The following SANBR variants were observed in gnomAD, a reference collection of about 807,000 sequenced individuals.
SANBR encodes SANT and BTB domain regulator of class switch recombination.
Under a neutral mutation model 101.8 loss-of-function variants are expected in SANBR, and 77 were observed. That is an observed-to-expected ratio of 0.76 (90% CI 0.63 to 0.91). SANBR has a LOEUF of 0.91. SANBR is among the 40% of genes least tolerant of loss of function. The pLI is 0.00. For missense variants in SANBR, 875 were observed against 853.0 expected, an observed-to-expected ratio of 1.03 and a Z score of -0.32; for synonymous variants, 279 against 274.7, an observed-to-expected ratio of 1.02 and a Z score of -0.15.
intron 21 of SANBR, among the ~76,000 whole-genome samples, chr2:61,136,919 G>A (rs1684868330): frequency 2.0e-5 from 3 of 151,758 alleles, no homozygotes; most frequent in Admixed American, 1.3e-4. Context: ...GCAGTGAGCC[G>A]AGATCACGCC....
intron 5 of SANBR, among the ~76,000 whole-genome samples, chr2:61,073,985 G>C (rs900956046): frequency 6.6e-6 from 1 of 151,676 alleles, no homozygotes. Context: ...GTTTTGTATA[G>C]TTTTGTATTG....
At chr2:61,111,699 T>C (rs1362021321) in intron 16 of SANBR, among the ~76,000 whole-genome samples, 4 of 152,232 alleles carry the variant, frequency 2.6e-5, no homozygotes. Flanking sequence ...TTCGTCCCCC[T>C]TTGTACTCAG....
intron 11 of SANBR, among the ~76,000 whole-genome samples, chr2:61,095,777 C>T (rs1384572611): frequency 1.3e-5 from 2 of 152,062 alleles, no homozygotes; most frequent in African/African-American, 2.4e-5. Context: ...CAGAGTCCCC[C>T]GCAAAAAGAA....
chr2:61,125,447 T>G (rs992037724), downstream of SANBR, among the ~76,000 whole-genome samples: 1 of 152,222 alleles, frequency 6.6e-6, no homozygotes, highest in South Asian at 2.1e-4. Flanking sequence ...ATGTCTTATT[T>G]AGGCAAAGTA....
intron 10 of SANBR, 35 bp downstream of exon 10, chr2:61,088,503 GTA>G (rs371063167): frequency 0.016 from 16,907 of 1,058,804 alleles, no homozygotes; most frequent in Middle Eastern, 0.023. Flanking sequence ...ATGTATTTTT[GTA>G]TATATATATA....
chr2:61,098,004 A>G (rs1683109919), intron 12 of SANBR, 152 bp downstream of exon 12: 1 of 494,174 alleles, frequency 2.0e-6, no homozygotes, highest in Non-Finnish European at 3.4e-6. Context: ...CTTAGAGATA[A>G]TCACTGTTAA....
At chr2:61,096,346 A>G (rs1683029824) in intron 11 of SANBR, among the ~76,000 whole-genome samples, 1 of 152,132 alleles carries the variant, frequency 6.6e-6, no homozygotes, top group African/African-American at 2.4e-5. Context: ...CAACCTTCAG[A>G]GCCCCATAGT....
chr2:61,070,220 T>C, intron 2 of SANBR, 122 bp from the exon 3 acceptor site: 1 of 651,136 alleles, frequency 1.5e-6, no homozygotes, highest in Non-Finnish European at 2.4e-6. Flanking sequence ...TTTAGGTCAG[T>C]TTTACTTTTC....
At position 61,104,017 on chromosome 2, in the gene SANBR, C is replaced by T; in HGVS notation, c.1511+19C>T. 6.2e-7 allele frequency: 1 copy of T among 1,611,048 alleles called. No individual in the cohort carries two copies. Among genetic ancestry groups the T allele is most frequent in the Non-Finnish European group, 8.5e-7 (1 of 1,177,606 alleles). On this transcript the variant is annotated intron_variant, in intron 13 of 21. Transcript: ENST00000402291. ...CAGTTAGGTGAGGGGTGGAAAAACCCAACACTGTATTATAGCTTTATTCAG... is the reference window on the plus strand; with the variant it reads ...CAGTTAGGTGAGGGGTGGAAAAACCTAACACTGTATTATAGCTTTATTCAG...
At chr2:61,129,009 G>GA (rs1002877357), downstream of SANBR, among the ~76,000 whole-genome samples, 9 of 152,234 alleles carry the variant, frequency 5.9e-5, no homozygotes, top group East Asian at 1.2e-3. Context: ...AGTGCTCAAA[G>GA]AAAAATCTGT....
intron 20 of SANBR, among the ~76,000 whole-genome samples, chr2:61,131,464 T>C (rs929134080): frequency 6.6e-6 from 1 of 152,106 alleles, no homozygotes; most frequent in Non-Finnish European, 1.5e-5. Flanking sequence ...AAAGGCCTAA[T>C]GATAAATTTA....
intron 6 of SANBR, among the ~76,000 whole-genome samples, chr2:61,077,935 C>T (rs985833482): frequency 5.9e-5 from 9 of 152,190 alleles, no homozygotes; most frequent in Non-Finnish European, 1.3e-4. Context: ...CATTTGTCAC[C>T]TGCTGTCAGT....
At chr2:61,076,626 TAAA>T (rs1236468990) in intron 5 of SANBR, among the ~76,000 whole-genome samples, 4 of 119,018 alleles carry the variant, frequency 3.4e-5, no homozygotes, top group Admixed American at 8.7e-5. Flanking sequence ...AGACTCCGTC[TAAA>T]AAAAAAAAAA....
chr2:61,109,078 G>T (rs76180605), intron 15 of SANBR, 119 bp from the exon 16 acceptor site: 9,974 of 466,346 alleles, frequency 0.021, 160 homozygotes, highest in Middle Eastern at 0.047. Context: ...CTAGCCAGAG[G>T]TTATTTTATC....
intron 1 of SANBR, among the ~76,000 whole-genome samples, chr2:61,067,007 C>G (rs560301137): frequency 6.6e-6 from 1 of 152,096 alleles, no homozygotes; most frequent in South Asian, 2.1e-4. Context: ...TGAGCTTTTT[C>G]TTGTCACCGT....
intron 7 of SANBR, among the ~76,000 whole-genome samples, chr2:61,082,233 GA>G (rs965973688): frequency 2.0e-5 from 3 of 151,922 alleles, no homozygotes; most frequent in African/African-American, 7.3e-5. Context: ...AAGGGTTACA[GA>G]AAAAAAGCAG....
Position 61,117,249 on chromosome 2 carries a change from G to T in SANBR, c.1837-108G>T, listed in dbSNP as rs1021793601. 1.1e-5 allele frequency: 11 copies of T among 1,010,138 alleles called. No homozygotes were observed. The East Asian group carries it at 2.6e-4, about 24-fold the overall frequency. 62.6% of individuals were successfully genotyped at this position (1,010,138 alleles called of 1,614,324 possible). A position where few individuals can be genotyped will look rare whatever the true frequency, so the allele number is the denominator to read the frequency against. On this transcript the variant is annotated intron_variant, in intron 17 of 21. Transcript: ENST00000402291. ...TGAAATAGCACTTGTAATGCTCTTG[G>T]TACAGTGTCTTCACACTCAGTAAGA...
Position 61,088,201 on chromosome 2 carries a change from G to A in SANBR, c.933G>A (p.Glu311=), listed in dbSNP as rs1339190097. 1.2e-6 allele frequency: 2 copies of A among 1,608,606 alleles called. No individual in the cohort carries two copies. Among genetic ancestry groups the A allele is most frequent in the African/African-American group, 1.3e-5 (1 of 74,676 alleles). Reference sequence around the variant, plus strand: ...AGATTGAAAGACTGTTTGATCCTGAGTACTTGAATCCAGATTCTCGGAGTA... The same window carrying A: ...AGATTGAAAGACTGTTTGATCCTGAATACTTGAATCCAGATTCTCGGAGTA... The part of the protein sequence containing the change: ...CKKIERLFDP[E]YLNPDSRSNA... The change falls in exon 9 of 22, where the codon GAG becomes GAA. Residue 311 remains glutamate (E), a synonymous_variant. Coordinates refer to ENST00000402291, the MANE Select transcript of SANBR (RefSeq NM_001129993.3).
chr2:61,104,464 A>G lies in SANBR; in HGVS notation c.1511+466A>G, dbSNP rs573482367. Among the ~76,000 whole-genome samples the G allele has an allele frequency of 4.3e-4, 59 of 136,694 alleles. 1 individual carries two copies. The South Asian group carries it at 0.013, about 29-fold the overall frequency. 89.7% of individuals were successfully genotyped at this position (136,694 alleles called of 152,430 possible). Reference sequence around the variant, plus strand: ...GCCACTGCACTCCAGCCTGGGTGACAGAGCAAAAAAAAAAGAGCAAAAAAA... The same window carrying G: ...GCCACTGCACTCCAGCCTGGGTGACGGAGCAAAAAAAAAAGAGCAAAAAAA... On this transcript the variant is annotated intron_variant, in intron 13 of 21. Coordinates refer to ENST00000402291, the MANE Select transcript of SANBR (RefSeq NM_001129993.3).
Sources: gnomAD v4.1 joint callset for allele counts (sites outside exome capture counted in the v4.1 genomes callset) on GRCh38, gnomAD v4.1.1 for gene constraint, MANE v1.5 for transcripts, NCBI Gene and HGNC (gene_info 2026-07-23, HGNC 2026-07-21) for gene names.